PRKD1: variants seen among roughly 807,000 people sequenced by gnomAD.
The protein encoded by PRKD1 is serine/threonine-protein kinase D1.
A neutral mutation model predicts 95.9 loss-of-function variants in PRKD1; 63 were observed. That is an observed-to-expected ratio of 0.66 (90% CI 0.54 to 0.81). The LOEUF is 0.81. Ranked by LOEUF, PRKD1 falls within the 30% of genes least tolerant of loss-of-function variation. PRKD1 has a pLI of 0.00. For synonymous variants in PRKD1, 425 were observed against 423.1 expected, an observed-to-expected ratio of 1.00 and a Z score of -0.05; for missense variants, 1,048 against 1,165.3, an observed-to-expected ratio of 0.90 and a Z score of 1.47.
chr14:29,592,034 G>A (rs927786809), intron 16 of PRKD1, among the ~76,000 whole-genome samples: 10 of 152,014 alleles, frequency 6.6e-5, no homozygotes, highest in African/African-American at 1.7e-4. Context: ...AATTTAAAGC[G>A]AATATTTAAA....
intron 1 of PRKD1, among the ~76,000 whole-genome samples, chr14:29,782,765 G>A (rs1889106605): frequency 6.6e-6 from 1 of 151,722 alleles, no homozygotes. Context: ...GGCTGGTCTT[G>A]AACTCCCAGG....
intron 1 of PRKD1, among the ~76,000 whole-genome samples, chr14:29,734,168 G>C (rs560692121): frequency 1.3e-5 from 2 of 149,292 alleles, no homozygotes; most frequent in Admixed American, 6.7e-5. Context: ...TCAGCCTCCC[G>C]AGTAGCTGGG....
chr14:29,818,925 A>C (rs1890799058), intron 1 of PRKD1, among the ~76,000 whole-genome samples: 1 of 152,152 alleles, frequency 6.6e-6, no homozygotes, highest in African/African-American at 2.4e-5. Flanking sequence ...TTTAAGTCTA[A>C]CTACCAGTTA....
chr14:29,927,233 C>T lies in PRKD1; in HGVS notation c.264+16G>A, dbSNP rs1301363982. 5 of 1,479,958 alleles carry T rather than the reference C, an allele frequency of 3.4e-6. No individual in the cohort carries two copies. The highest frequency in any genetic ancestry group is 3.0e-5 in the East Asian group (1 of 32,878). 91.7% of individuals were successfully genotyped at this position (1,479,958 alleles called of 1,614,324 possible). A position where few individuals can be genotyped will look rare whatever the true frequency, so the allele number is the denominator to read the frequency against. On this transcript the variant is annotated intron_variant, in intron 1 of 17. Coordinates refer to ENST00000331968, the MANE Select transcript of PRKD1 (RefSeq NM_002742.3). Reference sequence around the variant, plus strand: ...CCGCGGGGAGGCGCCGGGCTGGCAGCGGTGCGGCGACTTACCTTCTGGTCG... The same window carrying T: ...CCGCGGGGAGGCGCCGGGCTGGCAGTGGTGCGGCGACTTACCTTCTGGTCG...
At chr14:29,688,591 C>T (rs1566540347) in intron 2 of PRKD1, among the ~76,000 whole-genome samples, 1 of 152,100 alleles carries the variant, frequency 6.6e-6, no homozygotes, top group Non-Finnish European at 1.5e-5. Flanking sequence ...CCCTTTTATT[C>T]CTTAAACTTT....
chr14:29,752,288 T>A (rs1470179682), intron 1 of PRKD1, among the ~76,000 whole-genome samples: 1 of 152,180 alleles, frequency 6.6e-6, no homozygotes, highest in Non-Finnish European at 1.5e-5. Context: ...TGTTAAACAC[T>A]TATTCCCTCA....
chr14:29,693,639 A>AAAC (rs1555336246), intron 2 of PRKD1, among the ~76,000 whole-genome samples: 15 of 119,178 alleles, frequency 1.3e-4, no homozygotes, highest in African/African-American at 6.6e-4. Context: ...AAAAAAAAAA[A>AAAC]AACAACAACA....
chr14:29,866,782 T>G (rs886868101), intron 1 of PRKD1, among the ~76,000 whole-genome samples: 1 of 152,210 alleles, frequency 6.6e-6, no homozygotes, highest in South Asian at 2.1e-4. Context: ...AGGAGGTTAC[T>G]AAATGGCATC....
chr14:29,785,292 C>A (rs1889218356), intron 1 of PRKD1, among the ~76,000 whole-genome samples: 1 of 152,106 alleles, frequency 6.6e-6, no homozygotes, highest in Non-Finnish European at 1.5e-5. Flanking sequence ...CCTCTTTGGT[C>A]AAATTTAGGT....
intron 1 of PRKD1, among the ~76,000 whole-genome samples, chr14:29,850,250 AAAGAAT>A (rs1257799699): frequency 1.3e-5 from 2 of 152,124 alleles, no homozygotes; most frequent in African/African-American, 4.8e-5. Context: ...AGAAAAAGAA[AAAGAAT>A]AAGTCAAATT....
At chr14:29,737,328 C>CAA (rs796557046) in intron 1 of PRKD1, among the ~76,000 whole-genome samples, 1,232 of 37,994 alleles carry the variant, frequency 0.032, 241 homozygotes, top group Middle Eastern at 0.052. Context: ...GACTCCGTCT[C>CAA]AAAAAAAAAA....
At chr14:29,871,641 A>C (rs1359520355) in intron 1 of PRKD1, among the ~76,000 whole-genome samples, 1 of 152,238 alleles carries the variant, frequency 6.6e-6, no homozygotes, top group Non-Finnish European at 1.5e-5. Flanking sequence ...AGATCTGAGC[A>C]AAGCTGCTTC....
intron 1 of PRKD1, among the ~76,000 whole-genome samples, chr14:29,791,475 C>A (rs991551649): frequency 6.6e-6 from 1 of 152,126 alleles, no homozygotes. Context: ...GTACTCTCTC[C>A]CTTAGCTGTT....
At chr14:29,845,080 A>G (rs367887133) in intron 1 of PRKD1, among the ~76,000 whole-genome samples, 1 of 152,148 alleles carries the variant, frequency 6.6e-6, no homozygotes, top group African/African-American at 2.4e-5. Context: ...AGAAAAGGAG[A>G]CTAAATTAGG....
chr14:29,819,585 G>C (rs1015581302), intron 1 of PRKD1, among the ~76,000 whole-genome samples: 1 of 152,138 alleles, frequency 6.6e-6, no homozygotes, highest in Non-Finnish European at 1.5e-5. Flanking sequence ...AGCTACTCGG[G>C]AGGCTGAGGA....
intron 2 of PRKD1, among the ~76,000 whole-genome samples, chr14:29,717,643 T>A (rs1885686047): frequency 6.6e-6 from 1 of 152,256 alleles, no homozygotes; most frequent in Non-Finnish European, 1.5e-5. Context: ...TATGTTACCA[T>A]CACTATTGTT....
At position 29,874,100 on chromosome 14, in the gene PRKD1, G is replaced by C. The variant is rs146361572; in HGVS notation, c.264+53149C>G. Among the ~76,000 whole-genome samples the C allele has an allele frequency of 2.2e-4, 33 of 152,266 alleles. No homozygotes were observed. The East Asian group carries it at 5.6e-3, about 26-fold the overall frequency. ...TTGCTTGGTTGTATACACAGTAAAA[G>C]ACACATGTATCCTGAATAATCAGAG... On this transcript the variant is annotated intron_variant, in intron 1 of 17. Transcript: ENST00000331968.
chr14:29,890,115 T>A (rs902559955), intron 1 of PRKD1, among the ~76,000 whole-genome samples: 4 of 152,202 alleles, frequency 2.6e-5, no homozygotes, highest in African/African-American at 9.7e-5. Context: ...TAATAGTGTT[T>A]TAATACTTTT....
chr14:29,768,206 T>A (rs1003619942), intron 1 of PRKD1, among the ~76,000 whole-genome samples: 6 of 152,206 alleles, frequency 3.9e-5, no homozygotes, highest in African/African-American at 1.4e-4. Context: ...ATTTCAAGCT[T>A]ACATTTTTCC....
Sources: gnomAD v4.1 joint callset for allele counts (sites outside exome capture counted in the v4.1 genomes callset) on GRCh38, gnomAD v4.1.1 for gene constraint, MANE v1.5 for transcripts, NCBI Gene and HGNC (gene_info 2026-07-23, HGNC 2026-07-21) for gene names.